Variants in EPM2A observed in about 807,000 individuals in gnomAD.
EPM2A encodes the protein EPM2A glucan phosphatase, laforin.
A neutral mutation model predicts 26.5 loss-of-function variants in EPM2A; 21 were observed. The ratio of observed to expected loss-of-function variants is 0.79; its 90% confidence interval spans 0.56 to 1.14. The LOEUF (loss-of-function observed/expected upper bound fraction) is 1.14. Among genes scored for constraint, EPM2A ranks in the 50% most tolerant of loss-of-function variants. The pLI is 0.00. For missense variants in EPM2A, 458 were observed against 440.8 expected (o/e 1.04, Z -0.35); for synonymous variants, 217 against 177.6 (o/e 1.22, Z -1.76).
At chr6:145,587,469 G>A (rs1233748546) in intron 2 of EPM2A, among the ~76,000 whole-genome samples, 3 of 152,148 alleles carry the variant, frequency 2.0e-5, no homozygotes, top group African/African-American at 7.2e-5. Flanking sequence ...ACAAAATATT[G>A]AGAAACAAGT....
intron 2 of EPM2A, among the ~76,000 whole-genome samples, chr6:145,519,870 G>A (rs1780180287): frequency 6.6e-6 from 1 of 152,130 alleles, no homozygotes; most frequent in Admixed American, 6.5e-5. Flanking sequence ...AGAAATGTAG[G>A]CCCAGGGTCA....
upstream of EPM2A, chr6:145,735,732 G>A: frequency 3.9e-6 from 3 of 772,920 alleles, no homozygotes; most frequent in Non-Finnish European, 3.2e-6. Flanking sequence ...TTTGTGCCCC[G>A]CAACCCCGCG....
chr6:145,440,427 G>T (rs895727642), intron 4 of EPM2A, among the ~76,000 whole-genome samples: 1 of 152,102 alleles, frequency 6.6e-6, no homozygotes, highest in African/African-American at 2.4e-5. Context: ...CCATATAATT[G>T]CACCCTGGCC....
intron 4 of EPM2A, among the ~76,000 whole-genome samples, chr6:145,496,553 G>T (rs1325658554): frequency 6.6e-6 from 1 of 151,970 alleles, no homozygotes; most frequent in Non-Finnish European, 1.5e-5. Flanking sequence ...GTTCTTGTCT[G>T]CCAGCCTGAT....
chr6:145,626,075 T>C lies in EPM2A; in HGVS notation c.*1341A>G, dbSNP rs1775790930. The C allele has an allele frequency of 8.8e-7, 1 of 1,134,808 alleles. No individual in the cohort carries two copies. The highest frequency in any genetic ancestry group is 1.1e-6 in the Non-Finnish European group (1 of 915,970). 70.3% of individuals were successfully genotyped at this position (1,134,808 alleles called of 1,614,324 possible). ...CTTCTTCATTGGATATTGTGAAGAT[T>C]AAACTGGATATGATTATATATCACC... On this transcript the variant is annotated 3_prime_UTR_variant, in exon 4 of 4. Transcript: ENST00000367519.
intron 4 of EPM2A, among the ~76,000 whole-genome samples, chr6:145,468,089 T>G (rs1312614863): frequency 6.6e-6 from 1 of 152,046 alleles, no homozygotes; most frequent in Non-Finnish European, 1.5e-5. Flanking sequence ...TCTGTCCTGT[T>G]TATATTTGTC....
chr6:145,506,124 T>A (rs1159097990), intron 2 of EPM2A, among the ~76,000 whole-genome samples: 2 of 152,214 alleles, frequency 1.3e-5, no homozygotes, highest in Non-Finnish European at 2.9e-5. Flanking sequence ...AGACAGCCCC[T>A]GTGTCAAAGG....
At position 145,626,692 on chromosome 6, in the gene EPM2A, T is replaced by C. The variant is rs1288474604; in HGVS notation, c.*724A>G. On this transcript the variant is annotated 3_prime_UTR_variant, in exon 4 of 4. Coordinates refer to ENST00000367519, the MANE Select transcript of EPM2A (RefSeq NM_005670.4). ...CATGAGACCTTGGACAAGCTACCTA[T>C]GCTCATTAAGCCTCAATTTAACTTC... is the stretch of plus-strand genomic sequence containing the variant. 1 of 984,372 alleles carries C rather than the reference T, an allele frequency of 1.0e-6. No homozygotes were observed. The highest frequency in any genetic ancestry group is 1.2e-6 in the Non-Finnish European group (1 of 828,996). The allele number at this position is 984,372 out of a possible 1,614,324, so 61.0% of individuals were successfully genotyped here.
chr6:145,424,781 G>T (rs1778830682), intron 4 of EPM2A, among the ~76,000 whole-genome samples: 1 of 152,142 alleles, frequency 6.6e-6, no homozygotes, highest in African/African-American at 2.4e-5. Flanking sequence ...AGGATGCAGA[G>T]AAAAGGCATC....
At position 145,452,423 on chromosome 6, in the gene EPM2A, A is replaced by T. The variant is rs1329088863; in HGVS notation, c.555+50099T>A. On this transcript the variant is annotated intron_variant, in intron 4 of 4. Transcript: ENST00000638717. The stretch of plus-strand genomic sequence containing the variant: ...GAAACTGGGAGGCCGAGGCGGGCAG[A>T]GCACGAGGTCAGGAGATGGAGACCA... Among the ~76,000 whole-genome samples, 3 of 135,580 alleles carry T rather than the reference A, an allele frequency of 2.2e-5. No individual in the cohort carries two copies. In the East Asian group the frequency reaches 7.6e-4, roughly 34 times the overall value. The allele number at this position is 135,580 out of a possible 152,430, so 88.9% of individuals were successfully genotyped here. A position where few individuals can be genotyped will look rare whatever the true frequency, so the allele number is the denominator to read the frequency against.
intron 4 of EPM2A, among the ~76,000 whole-genome samples, chr6:145,458,893 A>C (rs1308699996): frequency 1.3e-5 from 2 of 152,116 alleles, no homozygotes; most frequent in African/African-American, 2.4e-5. Context: ...GAACTCAAGG[A>C]ACTACTAAGT....
chr6:145,472,982 C>A (rs1042296619), intron 4 of EPM2A, among the ~76,000 whole-genome samples: 1 of 151,972 alleles, frequency 6.6e-6, no homozygotes, highest in Non-Finnish European at 1.5e-5. Context: ...CTCTTCAATT[C>A]CCAGACACTG....
chr6:145,651,327 A>G (rs1029570758), intron 2 of EPM2A, among the ~76,000 whole-genome samples: 8 of 152,232 alleles, frequency 5.3e-5, no homozygotes, highest in Non-Finnish European at 7.3e-5. Flanking sequence ...GTAGACTACA[A>G]TATACTTCAA....
chr6:145,564,895 A>G (rs1299993093), intron 2 of EPM2A, among the ~76,000 whole-genome samples: 1 of 152,028 alleles, frequency 6.6e-6, no homozygotes, highest in Non-Finnish European at 1.5e-5. Flanking sequence ...GCAGCAACTT[A>G]AATTTCCCTG....
chr6:145,395,124 C>G (rs1361186011), intron 4 of EPM2A, among the ~76,000 whole-genome samples: 1 of 152,034 alleles, frequency 6.6e-6, no homozygotes, highest in African/African-American at 2.4e-5. Flanking sequence ...TTTTTTCCTC[C>G]CCTCTCTCCA....
At chr6:145,622,567 T>C (rs1775659743), downstream of EPM2A, among the ~76,000 whole-genome samples, 1 of 152,212 alleles carries the variant, frequency 6.6e-6, no homozygotes, top group Admixed American at 6.5e-5. Context: ...GCCATCCTTG[T>C]AGAAATGGGA....
rs751742437 is a variant in EPM2A at position 145,635,462 on chromosome 6, A to G, written c.501T>C (p.Gly167=). The G allele has an allele frequency of 6.2e-7, 1 of 1,613,966 alleles. No homozygotes were observed. Among genetic ancestry groups the G allele is most frequent in the Admixed American group, 1.7e-5 (1 of 60,022 alleles). The change falls in exon 3 of 4, where the codon GGT becomes GGC. Residue 167 remains glycine, a synonymous_variant. Transcript: ENST00000367519. ...CATGTTCCACCTGACGAGGGCAGCTACCCAGCCAGATATTTGGTAGAATTC... is the reference window on the plus strand; with the variant it reads ...CATGTTCCACCTGACGAGGGCAGCTGCCCAGCCAGATATTTGGTAGAATTC... ...YSRILPNIWL[G]SCPRQVEHVT... is the part of the protein sequence containing the mutation.
chr6:145,617,601 G>A (rs1202043865), intron 2 of EPM2A, among the ~76,000 whole-genome samples: 2 of 152,230 alleles, frequency 1.3e-5, no homozygotes, highest in East Asian at 3.9e-4. Flanking sequence ...GGAAACTAAA[G>A]TTCTCATTTA....
chr6:145,581,361 C>CT (rs1359326352), intron 2 of EPM2A, among the ~76,000 whole-genome samples: 1 of 151,854 alleles, frequency 6.6e-6, no homozygotes, highest in Admixed American at 6.6e-5. Flanking sequence ...TTGCTTATTA[C>CT]TTTTTTTAAG....
Sources: allele counts gnomAD v4.1 joint callset (sites outside exome capture counted in the v4.1 genomes callset), GRCh38; gene constraint gnomAD v4.1.1; transcripts MANE v1.5; gene names NCBI Gene and HGNC (gene_info 2026-07-23, HGNC 2026-07-21).